ADAMTS19: variants seen among roughly 807,000 people sequenced by gnomAD.
ADAMTS19 encodes ADAM metallopeptidase with thrombospondin type 1 motif 19.
Under a neutral mutation model 153.3 loss-of-function variants are expected in ADAMTS19, and 93 were observed. That is an observed-to-expected ratio of 0.61 (90% CI 0.51 to 0.72). The LOEUF (loss-of-function observed/expected upper bound fraction) is 0.72. Among genes scored for constraint, ADAMTS19 ranks in the 30% least tolerant of loss-of-function variants. The pLI is 0.00. For missense variants in ADAMTS19, 1,482 were observed against 1,552.1 expected (o/e 0.95, Z 0.76); for synonymous variants, 600 against 556.6 (o/e 1.08, Z -1.10).
At chr5:129,501,825 A>G (rs1189690336) in intron 2 of ADAMTS19, among the ~76,000 whole-genome samples, 1 of 152,162 alleles carries the variant, frequency 6.6e-6, no homozygotes, top group East Asian at 1.9e-4. Flanking sequence ...GTTTTCTTAT[A>G]AATAGTTTTA....
chr5:129,490,614 T>C (rs1447518190), intron 2 of ADAMTS19, among the ~76,000 whole-genome samples: 1 of 152,106 alleles, frequency 6.6e-6, no homozygotes, highest in Non-Finnish European at 1.5e-5. Flanking sequence ...ATCCTGCTTG[T>C]GAAATATAGA....
intron 6 of ADAMTS19, among the ~76,000 whole-genome samples, chr5:129,531,979 T>A (rs1367295621): frequency 6.6e-6 from 1 of 152,022 alleles, no homozygotes; most frequent in Non-Finnish European, 1.5e-5. Flanking sequence ...GCGAAAAAAA[T>A]GAGTATCAGT....
intron 7 of ADAMTS19, among the ~76,000 whole-genome samples, chr5:129,567,508 GA>G (rs1421886754): frequency 6.6e-6 from 1 of 152,002 alleles, no homozygotes; most frequent in African/African-American, 2.4e-5. Context: ...TAAATAAATA[GA>G]AAGAAAAAGC....
rs1754007377 is a variant in ADAMTS19 at position 129,665,513 on chromosome 5, C to T, written c.2440C>T (p.Leu814=). The T allele has an allele frequency of 1.2e-6, 2 of 1,609,354 alleles. No individual in the cohort carries two copies. The highest frequency in any genetic ancestry group is 2.2e-5 in the East Asian group (1 of 44,664). Residue 814 remains leucine, a synonymous_variant, in exon 16 of 23, where the codon CTG becomes TTG. Transcript: ENST00000274487. The part of the protein sequence containing the change: ...HTRGAGYVEV[L]VIPAGARRIK... ...GACTCTTACAGGTTATGTAGAAGTG[C>T]TGGTGATACCTGCTGGAGCAAGAAG...
At chr5:129,498,490 ATTCT>A (rs1204922539) in intron 2 of ADAMTS19, among the ~76,000 whole-genome samples, 1 of 152,014 alleles carries the variant, frequency 6.6e-6, no homozygotes, top group Admixed American at 6.6e-5. Flanking sequence ...TATATTACTT[ATTCT>A]TTATTTGTTA....
intron 2 of ADAMTS19, among the ~76,000 whole-genome samples, chr5:129,501,174 A>G (rs1751092155): frequency 6.6e-6 from 1 of 152,162 alleles, no homozygotes; most frequent in Admixed American, 6.6e-5. Flanking sequence ...TGATCAGAAA[A>G]GATTGTAGGA....
In ADAMTS19 at chr5:129,461,444, C is replaced by T. The variant is rs544229468; in HGVS notation, c.434C>T (p.Ser145Leu). The change falls in exon 2 of 23, where the codon TCG (serine) becomes TTG (leucine). Residue 145 changes from serine (S) to leucine (L), a missense_variant. Physicochemically the swap from Ser to Leu is moderately radical, Grantham distance 145 (BLOSUM62 -2). This residue lies in a region of ADAMTS19 where 866 missense variants were observed against 827.7 expected (regional missense o/e 1.05). Transcript: ENST00000274487. This position sits in a 1 kb window ranked among gnomAD's most constrained non-coding sequence, Gnocchi z 4.6. ...AAALSPGAPA[S>L]WQPPPPPQPP... ...GCCTTGTCCCCGGGCGCCCCGGCCT[C>T]GTGGCAGCCGCCGCCTCCCCCGCAG... The T allele has an allele frequency of 7.0e-5, 100 of 1,435,384 alleles. No individual in the cohort carries two copies. The Middle Eastern group carries it at 1.2e-3, about 18-fold the overall frequency. 88.9% of individuals were successfully genotyped at this position (1,435,384 alleles called of 1,614,324 possible). A position where few individuals can be genotyped will look rare whatever the true frequency, so the allele number is the denominator to read the frequency against.
chr5:129,556,283 G>C (rs1050336765), intron 7 of ADAMTS19, among the ~76,000 whole-genome samples: 4 of 152,022 alleles, frequency 2.6e-5, no homozygotes, highest in African/African-American at 9.7e-5. Context: ...CTGAAATTAG[G>C]ATTCATTTCA....
Position 129,654,315 on chromosome 5 carries a change from G to A in ADAMTS19, c.2186G>A (p.Cys729Tyr). The A allele has an allele frequency of 1.2e-6, 2 of 1,607,990 alleles. No homozygotes were observed. Among genetic ancestry groups the A allele is most frequent in the Non-Finnish European group, 1.7e-6 (2 of 1,178,656 alleles). ...WQAVLDEEKP[C>Y]ALFCSPVGKE... ...TCTACTCTGTATGTAGAAAAACCAT[G>A]TGCCTTGTTTTGCTCTCCTGTTGGA... The change falls in exon 14 of 23, where the codon TGT becomes TAT. Residue 729 changes from cysteine to tyrosine, a missense_variant. By Grantham distance (194) the Cys-to-Tyr change is radical. Around this residue, in one of 2 missense-constraint regions of ADAMTS19, gnomAD observed 616 missense variants for 724.4 expected, o/e 0.85. Coordinates refer to ENST00000274487, the MANE Select transcript of ADAMTS19 (RefSeq NM_133638.6).
At chr5:129,480,428 C>G (rs1274732459) in intron 2 of ADAMTS19, among the ~76,000 whole-genome samples, 2 of 152,134 alleles carry the variant, frequency 1.3e-5, no homozygotes, top group Non-Finnish European at 2.9e-5. Flanking sequence ...TTAAAATCAT[C>G]TCTTTTTCAA....
At chr5:129,505,000 C>T (rs1363180236) in intron 2 of ADAMTS19, among the ~76,000 whole-genome samples, 2 of 152,030 alleles carry the variant, frequency 1.3e-5, no homozygotes, top group African/African-American at 4.8e-5. Context: ...GGGTGCAGAT[C>T]TCTCTTTGAC....
chr5:129,610,804 CAGT>C (rs1185680830), intron 8 of ADAMTS19, among the ~76,000 whole-genome samples: 10 of 152,116 alleles, frequency 6.6e-5, no homozygotes, highest in African/African-American at 2.4e-4. Flanking sequence ...GGTATACACC[CAGT>C]AATGGAATGG....
chr5:129,538,405 C>G (rs1256519202), intron 6 of ADAMTS19, among the ~76,000 whole-genome samples: 1 of 151,856 alleles, frequency 6.6e-6, no homozygotes, highest in East Asian at 1.9e-4. Context: ...AATTTTATTC[C>G]TTATTTCCAA....
At chr5:129,533,818 G>A (rs1262334369) in intron 6 of ADAMTS19, among the ~76,000 whole-genome samples, 1 of 151,992 alleles carries the variant, frequency 6.6e-6, no homozygotes, top group Admixed American at 6.6e-5. Context: ...TGGTTGCAAA[G>A]AACATCTTTA....
At chr5:129,584,551 T>C (rs1217762278) in intron 7 of ADAMTS19, among the ~76,000 whole-genome samples, 3 of 152,140 alleles carry the variant, frequency 2.0e-5, no homozygotes, top group African/African-American at 7.2e-5. Flanking sequence ...GATCTATAAG[T>C]CCCTGACTGG....
intron 19 of ADAMTS19, among the ~76,000 whole-genome samples, chr5:129,700,748 A>G (rs1755797540): frequency 6.6e-6 from 1 of 152,090 alleles, no homozygotes; most frequent in South Asian, 2.1e-4. Context: ...CAGTATAGTG[A>G]TATGGTAAGC....
intron 6 of ADAMTS19, among the ~76,000 whole-genome samples, chr5:129,537,692 C>T (rs188581218): frequency 0.024 from 3,671 of 151,728 alleles, 146 homozygotes; most frequent in African/African-American, 0.084. Flanking sequence ...AACCAAACAC[C>T]GCATGTTCTC....
At chr5:129,671,607 A>ATATTAT (rs1387604019) in intron 16 of ADAMTS19, among the ~76,000 whole-genome samples, 1 of 152,194 alleles carries the variant, frequency 6.6e-6, no homozygotes, top group Non-Finnish European at 1.5e-5. Flanking sequence ...ATCAAACTAT[A>ATATTAT]TATTATTTTA....
chr5:129,654,531 T>C, intron 14 of ADAMTS19, 98 bp downstream of exon 14: 1 of 1,364,574 alleles, frequency 7.3e-7, no homozygotes, highest in Non-Finnish European at 1.0e-6. Flanking sequence ...TGGACTTAGA[T>C]TCAAAAGATG....
Sources: allele counts gnomAD v4.1 joint callset (sites outside exome capture counted in the v4.1 genomes callset), GRCh38; gene constraint gnomAD v4.1.1; regional missense constraint gnomAD v4.1.1; non-coding constraint Gnocchi (gnomAD v3.1); transcripts MANE v1.5; gene names NCBI Gene and HGNC (gene_info 2026-07-23, HGNC 2026-07-21).